Variants in DBX2 observed in about 807,000 individuals in gnomAD.
The protein encoded by DBX2 is developing brain homeobox 2.
DBX2 carries 16 observed loss-of-function variants against 17.7 expected under a neutral mutation model. That is an observed-to-expected ratio of 0.90 (90% confidence interval 0.61 to 1.37). The LOEUF (loss-of-function observed/expected upper bound fraction) is 1.37, where lower values mean the gene tolerates loss of function less well. Among genes scored for constraint, DBX2 ranks in the 40% most tolerant of loss-of-function variants. DBX2 has a pLI of 0.00. For missense variants in DBX2, 538 were observed against 433.8 expected (o/e 1.24, Z -2.13); for synonymous variants, 255 against 183.8 (o/e 1.39, Z -3.13).
In DBX2 at chr12:45,050,568, C is replaced by G; in HGVS notation, c.360G>C (p.Arg120=). 6 of 1,552,568 alleles carry G rather than the reference C, an allele frequency of 3.9e-6. No homozygotes were observed. Among genetic ancestry groups the G allele is most frequent in the Non-Finnish European group, 5.2e-6 (6 of 1,148,798 alleles). The change falls in exon 1 of 4, where the codon CGG becomes CGC. Residue 120 remains arginine (R), a synonymous_variant. Coordinates refer to ENST00000332700, the MANE Select transcript of DBX2 (RefSeq NM_001004329.3). ...PSADSARLPG[R]APGDRDCTFQ... is the part of the protein sequence containing the mutation. ...AGGTACAGTCTCGGTCCCCCGGAGC[C>G]CGGCCCGGCAGCCTCGCACTGTCCG...
chr12:45,041,963 A>AT (rs1308109296), intron 1 of DBX2, among the ~76,000 whole-genome samples: 7 of 152,242 alleles, frequency 4.6e-5, no homozygotes, highest in Non-Finnish European at 8.8e-5. Flanking sequence ...ATCTAACAAA[A>AT]TTCATACTGT....
At chr12:45,049,374 T>C (rs897999308) in intron 1 of DBX2, among the ~76,000 whole-genome samples, 1 of 152,248 alleles carries the variant, frequency 6.6e-6, no homozygotes, top group African/African-American at 2.4e-5. Context: ...CCTTAACTGT[T>C]TGTTCCTCTT....
At chr12:45,029,520 G>A (rs191580584) in intron 2 of DBX2, among the ~76,000 whole-genome samples, 34 of 152,272 alleles carry the variant, frequency 2.2e-4, no homozygotes, top group African/African-American at 7.9e-4. Context: ...AGGTACGAGT[G>A]GGCAGGGAAA....
In DBX2 at chr12:45,014,681, G is replaced by C. The variant is rs1466937947; in HGVS notation, c.*1605C>G. 6.6e-6 allele frequency: 1 copy of C among 152,124 alleles called. No individual in the cohort carries two copies. The highest frequency in any genetic ancestry group is 1.5e-5 in the Non-Finnish European group (1 of 68,036). The allele number at this position is 152,124 out of a possible 1,614,324, so 9.4% of individuals were successfully genotyped here. ...GAAACCATACTATAAATCATTTTAAGACAGGTTTTAAATTTTAACTTTTGT... is the reference window on the plus strand; with the variant it reads ...GAAACCATACTATAAATCATTTTAACACAGGTTTTAAATTTTAACTTTTGT... On this transcript the variant is annotated 3_prime_UTR_variant, in exon 4 of 4. Coordinates refer to ENST00000332700, the MANE Select transcript of DBX2 (RefSeq NM_001004329.3).
chr12:45,050,685 A>G lies in DBX2; in HGVS notation c.243T>C (p.Val81=). The change falls in exon 1 of 4, where the codon GTT becomes GTC. Residue 81 remains valine (V), a synonymous_variant. Transcript: ENST00000332700. ...CGGCTGCGGGGCACAGCTTTAGGGG[A>G]ACTGGGCTAGCAGGCAGGGGCCGGA... ...AQLRPLPASP[V]PLKLCPAAEQ... is the part of the protein sequence containing the mutation. 1 of 1,541,546 alleles carries G rather than the reference A, an allele frequency of 6.5e-7. No individual in the cohort carries two copies. Among genetic ancestry groups the G allele is most frequent in the South Asian group, 1.2e-5 (1 of 83,552 alleles).
In DBX2 at chr12:45,037,780, G is replaced by A. The variant is rs896471455; in HGVS notation, c.404-1666C>T. On this transcript the variant is annotated intron_variant, in intron 1 of 3. Coordinates refer to ENST00000332700, the MANE Select transcript of DBX2 (RefSeq NM_001004329.3). The stretch of plus-strand genomic sequence containing the variant: ...TTTTTATAGCATTTCAGGGTCCTGG[G>A]TGCTTTAAAATTGCAAATTAATCAT... Among the ~76,000 whole-genome samples the A allele has an allele frequency of 5.3e-5, 8 of 152,090 alleles. No homozygotes were observed. In the East Asian group the frequency reaches 1.4e-3, roughly 26 times the overall value.
At chr12:45,032,322 C>G (rs1319362076) in intron 2 of DBX2, among the ~76,000 whole-genome samples, 1 of 152,060 alleles carries the variant, frequency 6.6e-6, no homozygotes, top group African/African-American at 2.4e-5. Flanking sequence ...ATTCTGCATC[C>G]CTCTGAAGAT....
chr12:45,041,939 C>T (rs759830986), intron 1 of DBX2, among the ~76,000 whole-genome samples: 3 of 152,096 alleles, frequency 2.0e-5, no homozygotes, highest in Non-Finnish European at 4.4e-5. Flanking sequence ...TGACACACTC[C>T]CCAAGGAGAT....
At chr12:45,031,033 C>G (rs1364466301) in intron 2 of DBX2, among the ~76,000 whole-genome samples, 2 of 152,128 alleles carry the variant, frequency 1.3e-5, no homozygotes, top group Non-Finnish European at 2.9e-5. Context: ...GAGTCTGTGT[C>G]TCTCCCTCCT....
intron 2 of DBX2, among the ~76,000 whole-genome samples, chr12:45,024,532 A>G (rs1946371066): frequency 6.6e-6 from 1 of 152,240 alleles, no homozygotes; most frequent in African/African-American, 2.4e-5. Flanking sequence ...AAGCCCCGAT[A>G]CGGATTAAGT....
At chr12:45,049,000 T>A (rs1444907083) in intron 1 of DBX2, among the ~76,000 whole-genome samples, 1 of 152,242 alleles carries the variant, frequency 6.6e-6, no homozygotes, top group Non-Finnish European at 1.5e-5. Context: ...GGAAAACTTT[T>A]AACCTTTAGT....
rs1471646174 is a variant in DBX2 at position 45,050,910 on chromosome 12, G to C, written c.18C>G (p.Val6=). 1.3e-6 allele frequency: 2 copies of C among 1,506,008 alleles called. No homozygotes were observed. Among genetic ancestry groups the C allele is most frequent in the Non-Finnish European group, 1.8e-6 (2 of 1,128,714 alleles). The allele number at this position is 1,506,008 out of a possible 1,614,324, so 93.3% of individuals were successfully genotyped here. A position where few individuals can be genotyped will look rare whatever the true frequency, so the allele number is the denominator to read the frequency against. The change falls in exon 1 of 4, where the codon GTC becomes GTG. Residue 6 remains valine (V), a synonymous_variant. Transcript: ENST00000332700. ...CCCAGTACGCACCGGCGTGGGCTGC[G>C]ACCGCGCTGGGGAGCATAGTGCGGC... MLPSA[V]AAHAGAYWDV... is the part of the protein sequence containing the mutation.
At chr12:45,050,501 G>T (rs1056675167) in intron 1 of DBX2, 24 bp downstream of exon 1, 1 of 1,544,730 alleles carries the variant, frequency 6.5e-7, no homozygotes, top group Non-Finnish European at 8.7e-7. Context: ...GCGCGGCTGG[G>T]GAGGGAGGGG....
In DBX2 at chr12:45,016,399, T is replaced by C. The variant is rs771259026; in HGVS notation, c.907A>G (p.Ile303Val). 3.1e-6 allele frequency: 5 copies of C among 1,613,950 alleles called. No homozygotes were observed. The highest frequency in any genetic ancestry group is 1.1e-5 in the South Asian group (1 of 91,078). The change falls in exon 4 of 4, where the codon ATC becomes GTC. Residue 303 changes from isoleucine to valine, a missense_variant. Physicochemically the swap from Ile to Val is conservative, Grantham distance 29. Transcript: ENST00000332700. ...ENSPEPSERL[I>V]QESSGAPPPE... ...GGTGGTGCCCCTGAACTCTCCTGGA[T>C]TAGTCTTTCTGAAGGTTCTGGAGAA...
intron 2 of DBX2, among the ~76,000 whole-genome samples, chr12:45,028,119 T>G (rs912964933): frequency 2.2e-4 from 33 of 152,142 alleles, no homozygotes; most frequent in African/African-American, 7.7e-4. Flanking sequence ...TGAAGCCAGG[T>G]GAAGACAAGT....
chr12:45,044,809 C>A (rs1565586838), intron 1 of DBX2, among the ~76,000 whole-genome samples: 1 of 151,964 alleles, frequency 6.6e-6, no homozygotes, highest in Non-Finnish European at 1.5e-5. Context: ...AGCTGGTTGA[C>A]AAAATGAATA....
intron 1 of DBX2, among the ~76,000 whole-genome samples, chr12:45,039,611 G>A (rs942944494): frequency 6.6e-6 from 1 of 151,880 alleles, no homozygotes; most frequent in Non-Finnish European, 1.5e-5. Context: ...TATTTAAGGA[G>A]TGCTTACTAT....
chr12:45,050,538 C>T lies in DBX2; in HGVS notation c.390G>A (p.Gln130=), dbSNP rs774911843. ...RAPGDRDCTF[Q]PSAPAPSKPF... The stretch of plus-strand genomic sequence containing the variant: ...GAGCTGGCTCACCTGGCGCTGAAGG[C>T]TGGAAGGTACAGTCTCGGTCCCCCG... Residue 130 remains glutamine, a synonymous_variant, in exon 1 of 4, where the codon CAG becomes CAA. Transcript: ENST00000332700. 85 of 1,552,064 alleles carry T rather than the reference C, an allele frequency of 5.5e-5. No homozygotes were observed. Among genetic ancestry groups the T allele is most frequent in the Non-Finnish European group, 6.8e-5 (78 of 1,148,932 alleles).
intron 3 of DBX2, among the ~76,000 whole-genome samples, chr12:45,017,132 C>T (rs951097324): frequency 2.0e-5 from 3 of 152,122 alleles, no homozygotes; most frequent in Non-Finnish European, 4.4e-5. Context: ...TGAAACAAAA[C>T]AACTGTGATA....
Sources: gnomAD v4.1 joint callset for allele counts (sites outside exome capture counted in the v4.1 genomes callset) on GRCh38, gnomAD v4.1.1 for gene constraint, MANE v1.5 for transcripts, NCBI Gene and HGNC (gene_info 2026-07-23, HGNC 2026-07-21) for gene names.